The following C21orf91 variants were observed in gnomAD, a reference collection of about 807,000 sequenced individuals.
The protein encoded by C21orf91 is chromosome 21 open reading frame 91, also known as protein EURL homolog.
In C21orf91, 26 loss-of-function variants were observed where a neutral mutation model predicts 32.9. That is an observed-to-expected ratio of 0.79 (90% CI 0.58 to 1.10). The LOEUF (loss-of-function observed/expected upper bound fraction) is 1.10, where lower values mean the gene tolerates loss of function less well. Among genes scored for constraint, C21orf91 ranks in the 50% least tolerant of loss-of-function variants. The pLI is 0.00. For missense variants in C21orf91, 310 were observed against 341.3 expected, an observed-to-expected ratio of 0.91 and a Z score of 0.72; for synonymous variants, 126 against 120.4, an observed-to-expected ratio of 1.05 and a Z score of -0.31.
At chr21:17,809,377 G>C (rs942426757) in intron 2 of C21orf91, among the ~76,000 whole-genome samples, 1 of 152,168 alleles carries the variant, frequency 6.6e-6, no homozygotes, top group African/African-American at 2.4e-5. Flanking sequence ...TTTGAAGATA[G>C]CAGTATAGAA....
chr21:17,801,204 G>A (rs921242593), intron 2 of C21orf91, among the ~76,000 whole-genome samples: 1 of 151,530 alleles, frequency 6.6e-6, no homozygotes, highest in Admixed American at 6.6e-5. Context: ...TATACACCAT[G>A]GAATATTATG....
Position 17,789,777 on chromosome 21 carries a change from G to A in C21orf91, c.*3638C>T, listed in dbSNP as rs2146239058. On this transcript the variant is annotated 3_prime_UTR_variant, in exon 5 of 5. Transcript: ENST00000284881. ...CCTCCAAGTTACCTTTATTTTGTGT[G>A]AGGGCTCTAGTATTCTGGTAAATAA... 6.6e-6 allele frequency: 1 copy of A among 152,234 alleles called. No individual in the cohort carries two copies. Among genetic ancestry groups the A allele is most frequent in the African/African-American group, 2.4e-5 (1 of 41,562 alleles). 9.4% of individuals were successfully genotyped at this position (152,234 alleles called of 1,614,324 possible).
intron 2 of C21orf91, among the ~76,000 whole-genome samples, chr21:17,808,773 C>A (rs1166287224): frequency 6.6e-6 from 1 of 152,024 alleles, no homozygotes; most frequent in Non-Finnish European, 1.5e-5. Context: ...TTGTATTTTG[C>A]AATGTGAGGA....
At chr21:17,807,196 C>T (rs141632986) in intron 2 of C21orf91, among the ~76,000 whole-genome samples, 48 of 152,274 alleles carry the variant, frequency 3.2e-4, no homozygotes, top group Non-Finnish European at 6.6e-4. Context: ...GAGGAGGGCG[C>T]TGGTAGGAGG....
intron 4 of C21orf91, among the ~76,000 whole-genome samples, chr21:17,793,948 C>A (rs896411325): frequency 6.6e-6 from 1 of 152,166 alleles, no homozygotes; most frequent in Non-Finnish European, 1.5e-5. Context: ...AGGTCTGGAA[C>A]CCCCTCTAAG....
In C21orf91 at chr21:17,819,333, C is replaced by G. The variant is rs1162707382; in HGVS notation, c.-38G>C. 6.6e-6 allele frequency: 1 copy of G among 152,464 alleles called. No individual in the cohort carries two copies. Among genetic ancestry groups the G allele is most frequent in the Admixed American group, 6.5e-5 (1 of 15,286 alleles). The allele number at this position is 152,464 out of a possible 1,614,324, so 9.4% of individuals were successfully genotyped here. A position where few individuals can be genotyped will look rare whatever the true frequency, so the allele number is the denominator to read the frequency against. On this transcript the variant is annotated 5_prime_UTR_variant, in exon 1 of 5. Coordinates refer to ENST00000284881, the MANE Select transcript of C21orf91 (RefSeq NM_001100420.2). The stretch of plus-strand genomic sequence containing the variant: ...GGCTCCGCGGGCCACCACCGCCGTT[C>G]CGTGCGGCTCGGGTTCCTCCACTAT...
At chr21:17,804,488 C>G (rs542871249) in intron 2 of C21orf91, among the ~76,000 whole-genome samples, 1 of 152,192 alleles carries the variant, frequency 6.6e-6, no homozygotes, top group African/African-American at 2.4e-5. Flanking sequence ...ATTCAAGTAC[C>G]CAACATACCG....
At chr21:17,800,243 CCTGA>C (rs947897954) in intron 2 of C21orf91, among the ~76,000 whole-genome samples, 9 of 152,200 alleles carry the variant, frequency 5.9e-5, no homozygotes, top group South Asian at 4.1e-4. Context: ...AATTTAAAAA[CCTGA>C]CTGAGTTTTA....
chr21:17,802,896 A>G lies in C21orf91; in HGVS notation c.128-5778T>C, dbSNP rs80055399. Among the ~76,000 whole-genome samples, 373 of 152,334 alleles carry G rather than the reference A, an allele frequency of 2.4e-3. 10 individuals carry two copies. In the East Asian group the frequency reaches 0.068, roughly 28 times the overall value. ...ACATATTCCATTTCCCAACCAAAGG[A>G]CTGGCTTTACATAACTTGGTGCTCC... On this transcript the variant is annotated intron_variant, in intron 2 of 4. Transcript: ENST00000284881.
Position 17,794,776 on chromosome 21 carries a change from GA to G in C21orf91, c.727+431del, listed in dbSNP as rs1297452330. Among the ~76,000 whole-genome samples, 6 of 152,194 alleles carry G rather than the reference GA, an allele frequency of 3.9e-5. No individual in the cohort carries two copies. In the East Asian group the frequency reaches 1.2e-3, roughly 29 times the overall value. On this transcript the variant is annotated intron_variant, in intron 4 of 4. Transcript: ENST00000284881. The stretch of plus-strand genomic sequence containing the variant: ...GTAGTTTCCATTTTCACTTAGAAAA[GA>G]AAAATGTGGCTGGGCGCAGTGGCTC...
chr21:17,801,364 A>G (rs917373700), intron 2 of C21orf91, among the ~76,000 whole-genome samples: 8 of 151,356 alleles, frequency 5.3e-5, no homozygotes, highest in African/African-American at 1.2e-4. Context: ...TCCGCCTCCC[A>G]GGTTCATGTC....
intron 2 of C21orf91, among the ~76,000 whole-genome samples, chr21:17,813,637 A>G (rs2146262852): frequency 6.6e-6 from 1 of 152,334 alleles, no homozygotes; most frequent in South Asian, 2.1e-4. Flanking sequence ...TCTTATCTGA[A>G]ATACTTGAGA....
At chr21:17,795,163 G>A (rs750955506) in intron 4 of C21orf91, 45 bp downstream of exon 4, 4 of 1,267,790 alleles carry the variant, frequency 3.2e-6, no homozygotes, top group East Asian at 2.3e-5. Flanking sequence ...GATTTTCTAT[G>A]TCAAAATTTG....
rs370110962 is a variant in C21orf91, at chr21:17,793,928, G to A, written c.728-347C>T. On this transcript the variant is annotated intron_variant, in intron 4 of 4. Coordinates refer to ENST00000284881, the MANE Select transcript of C21orf91 (RefSeq NM_001100420.2). ...TGTGATTTATGGACAAGAAGTGCCT[G>A]TTAGTATTCAGGTCTGGAACCCCCT... is the stretch of plus-strand genomic sequence containing the variant. Among the ~76,000 whole-genome samples, 236 of 152,326 alleles carry A rather than the reference G, an allele frequency of 1.5e-3. 1 individual carries two copies. Among genetic ancestry groups the A allele is most frequent in the South Asian group, 7.7e-3 (37 of 4,832 alleles).
rs2062678309 is a variant in C21orf91, at chr21:17,818,246, T to C, written c.73A>G (p.Thr25Ala). ...CAGAAGGAGAGTGTTTCTTTGTCTG[T>C]TCCCAGTTTACAAACACTGCAAATG... ...DNICSVCKLG[T>A]DKETLSFCHI... The change falls in exon 2 of 5, where the codon ACA becomes GCA. Residue 25 changes from threonine (T) to alanine (A), a missense_variant. Transcript: ENST00000284881. 6.2e-7 allele frequency: 1 copy of C among 1,611,166 alleles called. No individual in the cohort carries two copies. The highest frequency in any genetic ancestry group is 1.1e-5 in the South Asian group (1 of 91,040).
rs902473928 is a variant in C21orf91, at chr21:17,803,022, C to T, written c.128-5904G>A. 3.9e-5 allele frequency among the ~76,000 whole-genome samples: 6 copies of T among 152,164 alleles called. No individual in the cohort carries two copies. In the South Asian group the frequency reaches 6.2e-4, roughly 16 times the overall value. The stretch of plus-strand genomic sequence containing the variant: ...GGAAAGCACTAAGAAAGCAAGCACT[C>T]CAACCTTTACCTCAAACTTAGAGCA... On this transcript the variant is annotated intron_variant, in intron 2 of 4. Coordinates refer to ENST00000284881, the MANE Select transcript of C21orf91 (RefSeq NM_001100420.2).
At chr21:17,803,085 G>C (rs113242503) in intron 2 of C21orf91, among the ~76,000 whole-genome samples, 1 of 152,274 alleles carries the variant, frequency 6.6e-6, no homozygotes, top group East Asian at 1.9e-4. Flanking sequence ...GCTAAATGGT[G>C]GGCTTATGTG....
At chr21:17,810,180 T>G (rs1242368971) in intron 2 of C21orf91, among the ~76,000 whole-genome samples, 4 of 152,236 alleles carry the variant, frequency 2.6e-5, no homozygotes, top group Non-Finnish European at 4.4e-5. Flanking sequence ...ACATTTTTCA[T>G]GTCTTGCCTT....
chr21:17,800,803 C>CT (rs529179711), intron 2 of C21orf91, among the ~76,000 whole-genome samples: 287 of 152,090 alleles, frequency 1.9e-3, no homozygotes, highest in Middle Eastern at 3.4e-3. Flanking sequence ...ATCCATGTCA[C>CT]TTTTTTTTAA....
Sources: allele counts gnomAD v4.1 joint callset (sites outside exome capture counted in the v4.1 genomes callset), GRCh38; gene constraint gnomAD v4.1.1; transcripts MANE v1.5; gene names NCBI Gene and HGNC (gene_info 2026-07-23, HGNC 2026-07-21).